SLC9A2: variants seen among roughly 807,000 people sequenced by gnomAD.
SLC9A2 encodes solute carrier family 9 member A2.
A neutral mutation model predicts 71.7 loss-of-function variants in SLC9A2; 42 were observed. The observed-to-expected ratio is 0.59, with a 90% confidence interval of 0.46 to 0.76. The LOEUF is 0.76. Ranked by LOEUF, SLC9A2 falls within the 30% of genes least tolerant of loss-of-function variation. The pLI is 0.00. For missense variants in SLC9A2, 829 were observed against 1,017.4 expected, an observed-to-expected ratio of 0.81 and a Z score of 2.52; for synonymous variants, 396 against 392.5, an observed-to-expected ratio of 1.01 and a Z score of -0.10.
intron 3 of SLC9A2, among the ~76,000 whole-genome samples, chr2:102,669,076 GA>G (rs1366740951): frequency 1.3e-5 from 2 of 152,222 alleles, no homozygotes; most frequent in African/African-American, 2.4e-5. Flanking sequence ...AAAGATGATG[GA>G]AGCAGTGCAC....
intron 1 of SLC9A2, among the ~76,000 whole-genome samples, chr2:102,621,091 G>T (rs1450749838): frequency 6.6e-6 from 1 of 152,034 alleles, no homozygotes; most frequent in Admixed American, 6.5e-5. Context: ...AGGAGGCGGA[G>T]GTTGCATTGA....
chr2:102,692,395 A>G (rs1462637402), intron 5 of SLC9A2, among the ~76,000 whole-genome samples: 61 of 152,206 alleles, frequency 4.0e-4, no homozygotes, highest in Admixed American at 4.0e-3. Context: ...AGTCTGAAAG[A>G]CATGAGGAAA....
intron 1 of SLC9A2, among the ~76,000 whole-genome samples, chr2:102,620,939 G>A (rs1676124560): frequency 6.6e-6 from 1 of 152,232 alleles, no homozygotes; most frequent in East Asian, 1.9e-4. Flanking sequence ...GGGAGGCTGA[G>A]GCAAGGTGGA....
intron 1 of SLC9A2, among the ~76,000 whole-genome samples, chr2:102,651,270 T>C (rs1246699064): frequency 2.0e-5 from 3 of 152,204 alleles, no homozygotes; most frequent in Non-Finnish European, 4.4e-5. Context: ...GGTGGGGACC[T>C]GGTCATGACA....
intron 5 of SLC9A2, among the ~76,000 whole-genome samples, chr2:102,690,203 G>C (rs1307149182): frequency 6.6e-6 from 1 of 152,214 alleles, no homozygotes; most frequent in African/African-American, 2.4e-5. Flanking sequence ...CGAAACATCA[G>C]AAGGGGTTAC....
chr2:102,680,443 T>C (rs1677431806), intron 3 of SLC9A2, among the ~76,000 whole-genome samples: 1 of 152,148 alleles, frequency 6.6e-6, no homozygotes. Context: ...GATATTGGCT[T>C]ACTGAGACAG....
chr2:102,657,886 G>T lies in SLC9A2; in HGVS notation c.612G>T (p.Leu204Phe). Residue 204 changes from leucine to phenylalanine, a missense_variant, in exon 2 of 12, where the codon TTG becomes TTT. Around this residue, in one of 3 missense-constraint regions of SLC9A2, gnomAD observed 500 missense variants for 726.3 expected, o/e 0.69. Coordinates refer to ENST00000233969, the MANE Select transcript of SLC9A2 (RefSeq NM_003048.6). ...CATTCGGCCTCAGCGACATCACTTTGCTCCAGAACCTGCTCTTTGGCAGCT... is the reference window on the plus strand; with the variant it reads ...CATTCGGCCTCAGCGACATCACTTTTCTCCAGAACCTGCTCTTTGGCAGCT... ...IEAFGLSDITLLQNLLFGSLI... is the reference protein window; with the variant it reads ...IEAFGLSDITFLQNLLFGSLI... 1 of 1,614,212 alleles carries T rather than the reference G, an allele frequency of 6.2e-7. No individual in the cohort carries two copies. The highest frequency in any genetic ancestry group is 8.5e-7 in the Non-Finnish European group (1 of 1,180,038).
At chr2:102,668,507 T>C (rs1385490824) in intron 3 of SLC9A2, among the ~76,000 whole-genome samples, 1 of 152,230 alleles carries the variant, frequency 6.6e-6, no homozygotes, top group East Asian at 1.9e-4. Flanking sequence ...TGGGCTTAAA[T>C]TGTACTGAGT....
intron 1 of SLC9A2, among the ~76,000 whole-genome samples, chr2:102,640,095 C>T (rs1261269000): frequency 6.6e-6 from 1 of 152,218 alleles, no homozygotes; most frequent in Non-Finnish European, 1.5e-5. Flanking sequence ...ACATGCACAT[C>T]TGCTGCATTT....
At chr2:102,663,194 T>C (rs1036770893) in intron 2 of SLC9A2, among the ~76,000 whole-genome samples, 4 of 152,130 alleles carry the variant, frequency 2.6e-5, no homozygotes, top group Admixed American at 6.5e-5. Flanking sequence ...CAATGATGCC[T>C]TTAAAATATT....
chr2:102,637,343 G>A (rs997729534), intron 1 of SLC9A2, among the ~76,000 whole-genome samples: 1 of 152,184 alleles, frequency 6.6e-6, no homozygotes, highest in Admixed American at 6.5e-5. Context: ...GGAGACACAA[G>A]TTTCACACCC....
intron 3 of SLC9A2, among the ~76,000 whole-genome samples, chr2:102,666,457 A>C (rs1457678759): frequency 6.6e-6 from 1 of 152,176 alleles, no homozygotes; most frequent in African/African-American, 2.4e-5. Flanking sequence ...TTGGCCTCCC[A>C]AAATGCTGGG....
Position 102,683,400 on chromosome 2 carries a change from A to T in SLC9A2, c.1144A>T (p.Thr382Ser). The T allele has an allele frequency of 6.2e-7, 1 of 1,614,210 alleles. No individual in the cohort carries two copies. Among genetic ancestry groups the T allele is most frequent in the Non-Finnish European group, 8.5e-7 (1 of 1,180,024 alleles). Residue 382 changes from threonine to serine, a missense_variant, in exon 4 of 12, where the codon ACC becomes TCC. Transcript: ENST00000233969. ...TLIFIFMGVS[T>S]VGKNHEWNWA... ...GATCTTCATCTTCATGGGTGTGTCT[A>T]CCGTGGGCAAGAACCACGAGTGGAA...
chr2:102,707,444 C>A lies in SLC9A2; in HGVS notation c.2069-675C>A, dbSNP rs141846529. Among the ~76,000 whole-genome samples, 4 of 152,158 alleles carry A rather than the reference C, an allele frequency of 2.6e-5. No individual in the cohort carries two copies. The East Asian group carries it at 5.8e-4, about 22-fold the overall frequency. The stretch of plus-strand genomic sequence containing the variant: ...TATTTAGAACAGTGGCCCGTGGTCC[C>A]ACCAGCAAACATGTTCTCAGTTCCC... On this transcript the variant is annotated intron_variant, in intron 11 of 11. Coordinates refer to ENST00000233969, the MANE Select transcript of SLC9A2 (RefSeq NM_003048.6).
intron 1 of SLC9A2, among the ~76,000 whole-genome samples, chr2:102,641,473 G>A (rs17775404): frequency 0.042 from 6,383 of 151,350 alleles, 209 homozygotes; most frequent in Middle Eastern, 0.11. Flanking sequence ...TGCACGTGCC[G>A]TTCTGCTTGA....
intron 1 of SLC9A2, among the ~76,000 whole-genome samples, chr2:102,640,152 C>A (rs1002919823): frequency 2.0e-5 from 3 of 152,174 alleles, no homozygotes; most frequent in African/African-American, 7.2e-5. Context: ...CCTAAGGAAA[C>A]GAGCCAGCTC....
chr2:102,667,539 G>A (rs1259679017), intron 3 of SLC9A2, among the ~76,000 whole-genome samples: 1 of 152,130 alleles, frequency 6.6e-6, no homozygotes, highest in African/African-American at 2.4e-5. Flanking sequence ...CCCCCATGTC[G>A]GTGATGGAAG....
intron 5 of SLC9A2, among the ~76,000 whole-genome samples, chr2:102,688,077 C>T (rs796666983): frequency 3.9e-5 from 6 of 152,212 alleles, no homozygotes; most frequent in East Asian, 1.9e-4. Context: ...CCACCATGCC[C>T]GGCCGTGGAA....
rs563565560 is a variant in SLC9A2, at chr2:102,710,944, A to G, written c.*2455A>G. The G allele has an allele frequency of 9.8e-5, 15 of 152,440 alleles. No homozygotes were observed. Among genetic ancestry groups the G allele is most frequent in the African/African-American group, 3.4e-4 (14 of 41,566 alleles). 9.4% of individuals were successfully genotyped at this position (152,440 alleles called of 1,614,324 possible). A position where few individuals can be genotyped will look rare whatever the true frequency, so the allele number is the denominator to read the frequency against. ...ATGAAAAGTCGGGGTTTATTACTTT[A>G]TATGTAATGCTGAGAGGAGACTGTT... On this transcript the variant is annotated 3_prime_UTR_variant, in exon 12 of 12. Coordinates refer to ENST00000233969, the MANE Select transcript of SLC9A2 (RefSeq NM_003048.6).
Sources: gnomAD v4.1 joint callset for allele counts (sites outside exome capture counted in the v4.1 genomes callset) on GRCh38, gnomAD v4.1.1 for gene constraint, gnomAD v4.1.1 regional missense constraint, MANE v1.5 for transcripts, NCBI Gene and HGNC (gene_info 2026-07-23, HGNC 2026-07-21) for gene names.